PDE3A: variants seen among roughly 807,000 people sequenced by gnomAD.
PDE3A encodes cGMP-inhibited 3',5'-cyclic phosphodiesterase 3A.
Under a neutral mutation model 98.3 loss-of-function variants are expected in PDE3A, and 43 were observed. The observed-to-expected ratio is 0.44, with a 90% confidence interval of 0.34 to 0.56. The LOEUF (loss-of-function observed/expected upper bound fraction) is 0.56, where lower values mean the gene tolerates loss of function less well. Ranked by LOEUF, PDE3A falls within the 20% of genes least tolerant of loss-of-function variation. The pLI, the probability that PDE3A is intolerant of heterozygous loss-of-function variation, is 0.01. For synonymous variants in PDE3A, 663 were observed against 567.9 expected, an observed-to-expected ratio of 1.17 and a Z score of -2.38; for missense variants, 1,427 against 1,440.7, an observed-to-expected ratio of 0.99 and a Z score of 0.15.
chr12:20,438,965 T>G (rs978302451), intron 1 of PDE3A, among the ~76,000 whole-genome samples: 4 of 151,984 alleles, frequency 2.6e-5, no homozygotes, highest in African/African-American at 7.3e-5. Flanking sequence ...CTAATTTTTT[T>G]TGTGTTTTTA....
intron 1 of PDE3A, among the ~76,000 whole-genome samples, chr12:20,490,495 G>A (rs537248952): frequency 6.6e-6 from 1 of 152,118 alleles, no homozygotes; most frequent in Non-Finnish European, 1.5e-5. Flanking sequence ...AGAATATAAG[G>A]CTTCTCAGCA....
rs1943437350 is a variant in PDE3A at position 20,370,090 on chromosome 12, A to T, written c.806A>T (p.Glu269Val). 3 of 1,612,990 alleles carry T rather than the reference A, an allele frequency of 1.9e-6. No homozygotes were observed. The East Asian group carries it at 6.7e-5, about 36-fold the overall frequency. Residue 269 changes from glutamate to valine, a missense_variant, in exon 1 of 16, where the codon GAG (glutamate) becomes GTG (valine). Physicochemically the swap from Glu to Val is moderately radical, Grantham distance 121. Coordinates refer to ENST00000359062, the MANE Select transcript of PDE3A (RefSeq NM_000921.5). ...LPQSAEAAPR[E>V]HLGSQLIAGT... ...CAGTCCGCGGAGGCGGCTCCAAGGGAGCATTTGGGGTCCCAGCTGATTGCT... is the reference window on the plus strand; with the variant it reads ...CAGTCCGCGGAGGCGGCTCCAAGGGTGCATTTGGGGTCCCAGCTGATTGCT...
In PDE3A at chr12:20,686,802, T is replaced by A. The variant is rs1163696034; in HGVS notation, c.*6531T>A. Among the ~76,000 whole-genome samples the A allele has an allele frequency of 1.3e-5, 2 of 152,158 alleles. No homozygotes were observed. Among genetic ancestry groups the A allele is most frequent in the Non-Finnish European group, 2.9e-5 (2 of 68,006 alleles). On this transcript the variant is annotated 3_prime_UTR_variant, in exon 16 of 16. Transcript: ENST00000359062. ...GAATGGCCTTCGACTTAAGTTCTAG[T>A]TCCTCAAGCCTGCTTTCCTTGTAAA... is the stretch of plus-strand genomic sequence containing the variant.
intron 1 of PDE3A, among the ~76,000 whole-genome samples, chr12:20,516,901 A>C (rs1946332216): frequency 6.6e-6 from 1 of 152,224 alleles, no homozygotes; most frequent in Non-Finnish European, 1.5e-5. Context: ...AAAAACTATA[A>C]CTAGGATGAG....
chr12:20,456,019 GA>G (rs1051257952), intron 1 of PDE3A, among the ~76,000 whole-genome samples: 2 of 152,170 alleles, frequency 1.3e-5, no homozygotes, highest in Non-Finnish European at 2.9e-5. Flanking sequence ...AAATACATGA[GA>G]AAAAATGTTA....
chr12:20,650,871 C>T (rs1439436031), intron 14 of PDE3A, among the ~76,000 whole-genome samples: 4 of 151,932 alleles, frequency 2.6e-5, no homozygotes, highest in African/African-American at 7.3e-5. Context: ...TAGGAAGATC[C>T]TTGAAATACT....
intron 1 of PDE3A, among the ~76,000 whole-genome samples, chr12:20,532,463 C>A (rs1321735574): frequency 4.6e-5 from 7 of 152,036 alleles, no homozygotes; most frequent in Non-Finnish European, 1.0e-4. Flanking sequence ...TAAATATACC[C>A]ATTTATGGTA....
intron 1 of PDE3A, among the ~76,000 whole-genome samples, chr12:20,498,172 A>T (rs1425449968): frequency 6.6e-6 from 1 of 152,134 alleles, no homozygotes; most frequent in Non-Finnish European, 1.5e-5. Context: ...AACTATACCT[A>T]TGTTGTTAAA....
chr12:20,525,711 G>A (rs1331685545), intron 1 of PDE3A, among the ~76,000 whole-genome samples: 2 of 152,090 alleles, frequency 1.3e-5, no homozygotes, highest in Admixed American at 6.5e-5. Flanking sequence ...AAATTTGACC[G>A]ACTACAAAAT....
At chr12:20,477,748 T>C (rs572161840) in intron 1 of PDE3A, among the ~76,000 whole-genome samples, 3 of 152,202 alleles carry the variant, frequency 2.0e-5, no homozygotes, top group Admixed American at 1.3e-4. Context: ...TCATCCAGTA[T>C]GTTAGCCTTG....
chr12:20,518,360 C>G (rs555994952), intron 1 of PDE3A, among the ~76,000 whole-genome samples: 1 of 151,686 alleles, frequency 6.6e-6, no homozygotes, highest in African/African-American at 2.4e-5. Context: ...AATGACTGAA[C>G]TTTTAGAGGG....
Position 20,680,040 on chromosome 12 carries a change from T to C in PDE3A, c.3195T>C (p.Thr1065=). The change falls in exon 16 of 16, where the codon ACT becomes ACC. Residue 1065 remains threonine, a synonymous_variant. Transcript: ENST00000359062. ...CENNESPKKK[T]FKRRKIYCQI... ...TTTTATTTATTTTAGAAAAGAAGAC[T>C]TTCAAAAGGAGAAAAATCTACTGCC... The C allele has an allele frequency of 6.3e-7, 1 of 1,598,120 alleles. No homozygotes were observed. The highest frequency in any genetic ancestry group is 2.2e-5 in the East Asian group (1 of 44,818).
intron 15 of PDE3A, among the ~76,000 whole-genome samples, chr12:20,679,405 G>T (rs1592180113): frequency 6.6e-6 from 1 of 152,012 alleles, no homozygotes; most frequent in East Asian, 1.9e-4. Flanking sequence ...CTGCCACCAC[G>T]CCTGGTTAAT....
chr12:20,480,885 A>AC (rs1287603572), intron 1 of PDE3A, among the ~76,000 whole-genome samples: 1 of 152,220 alleles, frequency 6.6e-6, no homozygotes, highest in African/African-American at 2.4e-5. Context: ...CTGAAATGAA[A>AC]CCATAGGAGA....
intron 1 of PDE3A, among the ~76,000 whole-genome samples, chr12:20,385,857 G>A (rs944782714): frequency 3.9e-4 from 57 of 147,692 alleles, no homozygotes; most frequent in Admixed American, 2.1e-3. Flanking sequence ...GTTAATGGGT[G>A]CAGCACACCA....
chr12:20,626,043 G>A (rs1468970069), intron 5 of PDE3A, among the ~76,000 whole-genome samples: 12 of 152,114 alleles, frequency 7.9e-5, no homozygotes, highest in Non-Finnish European at 4.4e-5. Flanking sequence ...GTAAATGTGT[G>A]AGTGTGCGAT....
intron 9 of PDE3A, among the ~76,000 whole-genome samples, chr12:20,638,680 C>G (rs1382907510): frequency 6.6e-6 from 1 of 152,226 alleles, no homozygotes; most frequent in East Asian, 1.9e-4. Context: ...TGCAAATAAG[C>G]CTGTAACGGT....
chr12:20,500,768 C>CTTTTTT, intron 1 of PDE3A, among the ~76,000 whole-genome samples: 1 of 133,364 alleles, frequency 7.5e-6, no homozygotes, highest in African/African-American at 2.7e-5. Context: ...TTCTTTCTTT[C>CTTTTTT]TTTTTTTTTT....
chr12:20,553,813 C>A (rs532753406), intron 1 of PDE3A, among the ~76,000 whole-genome samples: 1 of 152,238 alleles, frequency 6.6e-6, no homozygotes, highest in East Asian at 1.9e-4. Flanking sequence ...TTTCTAAAGA[C>A]GACAGTCTTT....
Sources: gnomAD v4.1 joint callset for allele counts (sites outside exome capture counted in the v4.1 genomes callset) on GRCh38, gnomAD v4.1.1 for gene constraint, MANE v1.5 for transcripts, NCBI Gene and HGNC (gene_info 2026-07-23, HGNC 2026-07-21) for gene names.